The following UNC79 variants were observed in gnomAD, a reference collection of about 807,000 sequenced individuals.
The protein encoded by UNC79 is unc-79 subunit of NALCN channel complex.
A neutral mutation model predicts 283.1 loss-of-function variants in UNC79; 37 were observed. The observed-to-expected ratio is 0.13, with a 90% CI of 0.10 to 0.17. The LOEUF (loss-of-function observed/expected upper bound fraction) is 0.17. Ranked by LOEUF, UNC79 falls within the 10% of genes least tolerant of loss-of-function variation. The probability of loss-of-function intolerance (pLI) is 1.00; values close to 1 mark genes in which losing one functional copy is unlikely to be tolerated. For synonymous variants in UNC79, 1,107 were observed against 1,200.2 expected (o/e 0.92, Z 1.61); for missense variants, 2,272 against 3,211.1 (o/e 0.71, Z 7.07).
intron 1 of UNC79, among the ~76,000 whole-genome samples, chr14:93,357,704 T>TGG (rs1422928527): frequency 1.4e-4 from 17 of 125,186 alleles, no homozygotes; most frequent in African/African-American, 4.9e-4. Context: ...TATATATATA[T>TGG]ATATATATAT....
At chr14:93,443,037 A>G (rs2056353268) in intron 1 of UNC79, among the ~76,000 whole-genome samples, 1 of 152,152 alleles carries the variant, frequency 6.6e-6, no homozygotes, top group Non-Finnish European at 1.5e-5. Flanking sequence ...CAGCCTGGCC[A>G]ACATGGCAAA....
chr14:93,493,896 TATATA>T (rs1192861991), intron 5 of UNC79, among the ~76,000 whole-genome samples: 566 of 42,696 alleles, frequency 0.013, 12 homozygotes, highest in African/African-American at 0.03. Flanking sequence ...TATATATATA[TATATA>T]TTTTTTTTTT....
intron 14 of UNC79, among the ~76,000 whole-genome samples, chr14:93,546,343 G>C (rs999057986): frequency 1.3e-5 from 2 of 152,150 alleles, no homozygotes; most frequent in African/African-American, 2.4e-5. Flanking sequence ...AAGGCAAGAG[G>C]GGGGTTGGCT....
chr14:93,532,635 T>G (rs2060882791), intron 11 of UNC79, 57 bp downstream of exon 11: 3 of 1,598,024 alleles, frequency 1.9e-6, no homozygotes, highest in Middle Eastern at 1.7e-4. Flanking sequence ...GTATGTAAAT[T>G]CATTTATTGA....
chr14:93,364,371 C>A (rs1354462495), intron 1 of UNC79, among the ~76,000 whole-genome samples: 1 of 151,902 alleles, frequency 6.6e-6, no homozygotes, highest in Non-Finnish European at 1.5e-5. Flanking sequence ...CTCTGACTTG[C>A]TTTGCTCAAT....
At chr14:93,540,804 G>A in exon 13 of UNC79, 1 of 1,613,150 alleles carries the variant, frequency 6.2e-7, no homozygotes, top group South Asian at 1.1e-5. Flanking sequence ...ATCAGAGGCT[G>A]CTCAGTCAAT....
chr14:93,694,350 T>A (rs764762995), exon 47 of UNC79: 3 of 1,609,648 alleles, frequency 1.9e-6, no homozygotes, highest in Non-Finnish European at 2.6e-6. Context: ...AGAAATGGTG[T>A]GTCTCCATGT....
chr14:93,406,052 G>A (rs2055219502), intron 1 of UNC79, among the ~76,000 whole-genome samples: 1 of 152,146 alleles, frequency 6.6e-6, no homozygotes, highest in South Asian at 2.1e-4. Flanking sequence ...CCAAGGAATA[G>A]TTAATCCCTA....
At position 93,467,663 on chromosome 14, in the gene UNC79, T is replaced by TTTTTTTA; in HGVS notation, c.23-7_23-6insTTTTTAT. On this transcript the variant is annotated splice_region_variant and splice_polypyrimidine_tract_variant and intron_variant, in intron 1 of 48. Coordinates refer to ENST00000555664, the Ensembl canonical transcript of UNC79. ...TTTTTTTTTTTTTTTTTTTTTGCTTTTATCTAGTTGCTTCCAAGATCCGGT... is the reference window on the plus strand; with the variant it reads ...TTTTTTTTTTTTTTTTTTTTTGCTTTTTTTTTATATCTAGTTGCTTCCAAGATCCGGT... The TTTTTTTA allele has an allele frequency of 8.0e-7, 1 of 1,251,872 alleles. No individual in the cohort carries two copies. The highest frequency in any genetic ancestry group is 1.8e-5 in the African/African-American group (1 of 54,348). The allele number at this position is 1,251,872 out of a possible 1,614,324, so 77.5% of individuals were successfully genotyped here.
intron 25 of UNC79, among the ~76,000 whole-genome samples, chr14:93,600,991 A>G (rs1478137731): frequency 6.6e-6 from 1 of 152,210 alleles, no homozygotes; most frequent in Non-Finnish European, 1.5e-5. Context: ...TCCTTGACCT[A>G]TGATAACCAT....
intron 27 of UNC79, 145 bp from the exon 29 acceptor site, chr14:93,616,977 C>G (rs979146867): frequency 4.0e-5 from 26 of 652,934 alleles, no homozygotes; most frequent in African/African-American, 2.9e-4. Flanking sequence ...GCGTACTAGC[C>G]ATTACTTTTA....
At chr14:93,466,098 T>C (rs969853578) in intron 1 of UNC79, among the ~76,000 whole-genome samples, 10 of 152,250 alleles carry the variant, frequency 6.6e-5, no homozygotes, top group Admixed American at 3.3e-4. Context: ...CAAATATTTA[T>C]GGAGTTAATT....
chr14:93,587,022 G>T, intron 22 of UNC79, 114 bp downstream of exon 22: 1 of 1,276,794 alleles, frequency 7.8e-7, no homozygotes, highest in Non-Finnish European at 1.1e-6. Flanking sequence ...AGCCAGGACA[G>T]CTCGATTGCC....
chr14:93,662,935 T>C (rs2071762107), intron 40 of UNC79, among the ~76,000 whole-genome samples: 1 of 151,934 alleles, frequency 6.6e-6, no homozygotes, highest in Non-Finnish European at 1.5e-5. Context: ...AATATGCACA[T>C]ATGCAGATTC....
chr14:93,575,385 T>C (rs1357573737), intron 17 of UNC79, among the ~76,000 whole-genome samples, 187 bp downstream of exon 17: 5 of 152,230 alleles, frequency 3.3e-5, no homozygotes, highest in African/African-American at 1.2e-4. Context: ...CAGTAAGTTA[T>C]TGAGTTTTCA....
At chr14:93,598,137 T>A (rs1344803264) in intron 24 of UNC79, among the ~76,000 whole-genome samples, 1 of 151,958 alleles carries the variant, frequency 6.6e-6, no homozygotes, top group Non-Finnish European at 1.5e-5. Flanking sequence ...CAGGTATACA[T>A]CACCACACCC....
chr14:93,605,008 G>A, intron 26 of UNC79, 47 bp downstream of exon 27: 2 of 1,530,834 alleles, frequency 1.3e-6, no homozygotes, highest in Non-Finnish European at 1.7e-6. Flanking sequence ...GTCTATCACA[G>A]GTGGACAAGG....
At chr14:93,493,226 C>T (rs568363867) in intron 5 of UNC79, among the ~76,000 whole-genome samples, 6 of 152,002 alleles carry the variant, frequency 3.9e-5, no homozygotes, top group African/African-American at 7.2e-5. Context: ...TCATGTGTCA[C>T]GGGGGAGTCT....
At chr14:93,670,105 T>G (rs1396834790) in intron 40 of UNC79, among the ~76,000 whole-genome samples, 4 of 145,698 alleles carry the variant, frequency 2.7e-5, no homozygotes, top group Admixed American at 7.0e-5. Flanking sequence ...GTCCATCTTC[T>G]GAGACTGGAA....
Sources: gnomAD v4.1 joint callset for allele counts (sites outside exome capture counted in the v4.1 genomes callset) on GRCh38, gnomAD v4.1.1 for gene constraint, MANE v1.5 for transcripts, NCBI Gene and HGNC (gene_info 2026-07-23, HGNC 2026-07-21) for gene names.